The following EFHB variants were observed in gnomAD, a reference collection of about 807,000 sequenced individuals.
EFHB encodes EF-hand domain family member B.
Under a neutral mutation model 87.2 loss-of-function variants are expected in EFHB, and 91 were observed. That is an observed-to-expected ratio of 1.04 (90% CI 0.88 to 1.24). The LOEUF is 1.24. EFHB is among the 50% of genes most tolerant of loss of function. The pLI is 0.00. For synonymous variants in EFHB, 325 were observed against 333.6 expected (o/e 0.97, Z 0.28); for missense variants, 1,084 against 998.8 (o/e 1.09, Z -1.15).
intron 1 of EFHB, among the ~76,000 whole-genome samples, chr3:19,927,031 T>C (rs1033264420): frequency 1.3e-5 from 2 of 152,212 alleles, no homozygotes; most frequent in Admixed American, 6.5e-5. Context: ...TCAGAGTTCA[T>C]TGCAGCCTCA....
intron 1 of EFHB, among the ~76,000 whole-genome samples, chr3:19,932,523 C>T (rs1009113313): frequency 1.3e-5 from 2 of 152,166 alleles, no homozygotes; most frequent in Admixed American, 1.3e-4. Context: ...GCCCAAAATG[C>T]TCTAACCTCA....
intron 9 of EFHB, among the ~76,000 whole-genome samples, chr3:19,892,464 T>C (rs1482392957): frequency 6.6e-6 from 1 of 152,210 alleles, no homozygotes; most frequent in African/African-American, 2.4e-5. Flanking sequence ...TAAAGACTTA[T>C]TTTGAAAATT....
upstream of EFHB, among the ~76,000 whole-genome samples, chr3:19,934,566 G>C (rs1454096997): frequency 2.0e-5 from 3 of 151,674 alleles, no homozygotes; most frequent in African/African-American, 7.3e-5. Context: ...TAGATTTGGA[G>C]GGCGAGAAAA....
chr3:19,939,400 T>TTTTG (rs1559479910), intron 1 of EFHB, among the ~76,000 whole-genome samples: 1 of 111,374 alleles, frequency 9.0e-6, no homozygotes, highest in African/African-American at 3.4e-5. Flanking sequence ...TTTTTTTTTT[T>TTTTG]GGGATGGAGT....
At chr3:19,928,120 C>A (rs1388048715) in intron 1 of EFHB, among the ~76,000 whole-genome samples, 1 of 151,702 alleles carries the variant, frequency 6.6e-6, no homozygotes, top group East Asian at 1.9e-4. Flanking sequence ...TACAGAGAAC[C>A]ACAAATACAA....
rs1437728660 is a variant in EFHB at position 19,915,402 on chromosome 3, T to C, written c.1189A>G (p.Lys397Glu). ...GTAVIKEYSA[K>E]DVVNPPKSYE... ...GATTTTGGTGGATTCACCACATCTT[T>C]AGCAGAGTATTCTGAAGGAAGAATT... Residue 397 changes from lysine to glutamate, a missense_variant, in exon 5 of 13, where the codon AAA becomes GAA. Physicochemically the swap from Lys to Glu is moderately conservative, Grantham distance 56. Coordinates refer to ENST00000295824, the MANE Select transcript of EFHB (RefSeq NM_144715.4). The C allele has an allele frequency of 4.4e-6, 7 of 1,605,342 alleles. No homozygotes were observed. The highest frequency in any genetic ancestry group is 6.0e-6 in the Non-Finnish European group (7 of 1,174,096).
chr3:19,886,571 G>T (rs1346816977), intron 10 of EFHB, among the ~76,000 whole-genome samples: 2 of 147,018 alleles, frequency 1.4e-5, no homozygotes, highest in Non-Finnish European at 3.0e-5. Context: ...AGCCACTCAA[G>T]AGGCTGAGGC....
chr3:19,919,914 TTC>T lies in EFHB; in HGVS notation c.913_914del (p.Glu305LysfsTer9). 6.2e-7 allele frequency: 1 copy of T among 1,613,780 alleles called. No homozygotes were observed. Among genetic ancestry groups the T allele is most frequent in the South Asian group, 1.1e-5 (1 of 91,082 alleles). Reference protein sequence around the residue: ...FNFRYPPAGVERVFYGRANDP... With the variant: ...FNFRYPPAGVXRVFYGRANDP... ...CATTTGCTCTTCCGTAAAATACTCT[TTC>T]TACTCCAGCAGGTGGATATCTGAAG... On this transcript the variant is annotated frameshift_variant, in exon 3 of 13. Coordinates refer to ENST00000295824, the MANE Select transcript of EFHB (RefSeq NM_144715.4). LOFTEE classifies it high-confidence loss of function.
upstream of EFHB, chr3:19,934,263 G>A (rs560722547): frequency 2.8e-6 from 4 of 1,411,594 alleles, no homozygotes; most frequent in East Asian, 1.0e-4. Flanking sequence ...TGGCGCTCAA[G>A]TCCTGCTTGG....
chr3:19,905,563 T>C, intron 6 of EFHB, 57 bp downstream of exon 6: 1 of 1,550,800 alleles, frequency 6.4e-7, no homozygotes, highest in Non-Finnish European at 8.8e-7. Context: ...AAAATCAACT[T>C]TTCTTTAAGT....
At chr3:19,913,828 A>G (rs895088400) in intron 5 of EFHB, among the ~76,000 whole-genome samples, 1 of 152,252 alleles carries the variant, frequency 6.6e-6, no homozygotes, top group African/African-American at 2.4e-5. Context: ...TACTAGCAGA[A>G]AAACAGACAC....
chr3:19,943,164 G>T, intron 1 of EFHB: 1 of 252,348 alleles, frequency 4.0e-6, no homozygotes, highest in South Asian at 5.8e-5. Flanking sequence ...TGGCATCACT[G>T]AGCAATTGTT....
In EFHB at chr3:19,933,725, C is replaced by G; in HGVS notation, c.294G>C (p.Gln98His). ...SLGVDSVSASQGTKPSLLPGR... is the reference protein window; with the variant it reads ...SLGVDSVSASHGTKPSLLPGR... ...CTGGCAACAGAGAAGGTTTTGTTCC[C>G]TGTGAAGCTGAGACACTGTCGACTC... The change falls in exon 1 of 13, where the codon CAG (glutamine) becomes CAC (histidine). Residue 98 changes from glutamine (Q) to histidine (H), a missense_variant. By Grantham distance (24) the Gln-to-His change is conservative. Transcript: ENST00000295824. 1 of 1,613,952 alleles carries G rather than the reference C, an allele frequency of 6.2e-7. No homozygotes were observed. Among genetic ancestry groups the G allele is most frequent in the Admixed American group, 1.7e-5 (1 of 60,024 alleles).
At chr3:19,925,452 T>C (rs560756590) in intron 1 of EFHB, among the ~76,000 whole-genome samples, 23 of 152,146 alleles carry the variant, frequency 1.5e-4, no homozygotes, top group Non-Finnish European at 2.6e-4. Flanking sequence ...CTCCTTTCCA[T>C]ATTTATAACA....
chr3:19,940,359 C>T, intron 1 of EFHB: 1 of 392,932 alleles, frequency 2.5e-6, no homozygotes, highest in South Asian at 2.0e-5. Context: ...TCTGCTAGAG[C>T]TTTGTAATGA....
chr3:19,905,775 T>C lies in EFHB; in HGVS notation c.1289-26A>G, dbSNP rs747490154. The C allele has an allele frequency of 5.0e-6, 8 of 1,590,424 alleles. No homozygotes were observed. In the African/African-American group the frequency reaches 9.4e-5, roughly 19 times the overall value. On this transcript the variant is annotated intron_variant, in intron 5 of 12. Transcript: ENST00000295824. ...CTGTGGAAAAAGAAAGGAAGACTTA[T>C]GACTTAAGCAACACGAATAACCTTA... is the stretch of plus-strand genomic sequence containing the variant.
At chr3:19,936,204 G>T, upstream of EFHB, 3 of 1,002,864 alleles carry the variant, frequency 3.0e-6, no homozygotes, top group Non-Finnish European at 4.5e-6. Context: ...AATTCAATTA[G>T]CCCAGCGTGG....
chr3:19,939,542 A>G (rs531667974), intron 1 of EFHB, among the ~76,000 whole-genome samples: 83 of 145,564 alleles, frequency 5.7e-4, no homozygotes, highest in African/African-American at 1.8e-3. Context: ...CCGCCACCAC[A>G]CCCGGCTAAT....
chr3:19,927,956 C>CTA (rs1270639735), intron 1 of EFHB, among the ~76,000 whole-genome samples: 1 of 148,206 alleles, frequency 6.7e-6, no homozygotes, highest in East Asian at 1.9e-4. Context: ...ATAGTATATA[C>CTA]TATATATATA....
Sources: allele counts gnomAD v4.1 joint callset (sites outside exome capture counted in the v4.1 genomes callset), GRCh38; gene constraint gnomAD v4.1.1; transcripts MANE v1.5; gene names NCBI Gene and HGNC (gene_info 2026-07-23, HGNC 2026-07-21).